The following SYNE2 variants were observed in gnomAD, a reference collection of about 807,000 sequenced individuals.
SYNE2 encodes spectrin repeat containing nuclear envelope protein 2.
Under a neutral mutation model 856.3 loss-of-function variants are expected in SYNE2, and 431 were observed. The observed-to-expected ratio is 0.50, with a 90% CI of 0.47 to 0.55. SYNE2 has a LOEUF of 0.55. SYNE2 is among the 20% of genes least tolerant of loss of function. SYNE2 has a pLI of 0.00. For missense variants in SYNE2, 8,129 were observed against 8,023.2 expected (o/e 1.01, Z -0.50); for synonymous variants, 2,923 against 2,872.3 (o/e 1.02, Z -0.56).
At chr14:64,139,050 C>G (rs1235072591) in intron 79 of SYNE2, among the ~76,000 whole-genome samples, 1 of 151,520 alleles carries the variant, frequency 6.6e-6, no homozygotes, top group Non-Finnish European at 1.5e-5. Flanking sequence ...GTGGCGTGAT[C>G]GTGGCTCACT....
intron 11 of SYNE2, among the ~76,000 whole-genome samples, chr14:63,969,020 G>A (rs2096437047): frequency 6.6e-6 from 1 of 151,972 alleles, no homozygotes. Flanking sequence ...TCCTTCTACT[G>A]TCTGTCTCCA....
intron 67 of SYNE2, 24 bp downstream of exon 67, chr14:64,119,633 A>T (rs775292771): frequency 6.8e-6 from 11 of 1,612,108 alleles, no homozygotes; most frequent in Middle Eastern, 1.7e-4. Flanking sequence ...ATCTATGGAC[A>T]TTCATCTTGA....
At chr14:63,774,762 T>C (rs985790677) in intron 1 of SYNE2, among the ~76,000 whole-genome samples, 2 of 151,928 alleles carry the variant, frequency 1.3e-5, no homozygotes, top group African/African-American at 2.4e-5. Context: ...ATTATTGTAT[T>C]AATAATTGTC....
At chr14:63,776,656 G>A (rs939102292) in intron 1 of SYNE2, among the ~76,000 whole-genome samples, 51 of 148,826 alleles carry the variant, frequency 3.4e-4, no homozygotes, top group African/African-American at 1.3e-3. Context: ...CTGGAGTGCA[G>A]TGGTATGATC....
chr14:63,986,477 G>C lies in SYNE2; in HGVS notation c.2173G>C (p.Glu725Gln), dbSNP rs1328749416. The change falls in exon 19 of 116, where the codon GAA becomes CAA. Residue 725 changes from glutamate to glutamine, a missense_variant. Coordinates refer to ENST00000555002, the MANE Select transcript of SYNE2 (RefSeq NM_182914.3). ...GTAGGCTGGAGAGAAACATGAAAAA[G>C]AAAATGAAGAATTCACAGGGCAACT... ...NIKAGEKHEK[E>Q]NEEFTGQLKV... 1.2e-6 allele frequency: 2 copies of C among 1,614,064 alleles called. No homozygotes were observed. The highest frequency in any genetic ancestry group is 1.7e-5 in the Admixed American group (1 of 60,020).
intron 48 of SYNE2, among the ~76,000 whole-genome samples, chr14:64,055,111 A>T (rs2153579461): frequency 6.6e-6 from 1 of 152,340 alleles, no homozygotes; most frequent in Admixed American, 6.5e-5. Flanking sequence ...GTCTGGAGAC[A>T]TTCATTCAAT....
chr14:63,792,448 G>A (rs905062902), intron 1 of SYNE2, among the ~76,000 whole-genome samples: 13 of 151,944 alleles, frequency 8.6e-5, no homozygotes, highest in African/African-American at 2.2e-4. Context: ...CCAGCTACTC[G>A]GGAGGCTGAG....
chr14:64,184,790 G>T (rs746513147), intron 96 of SYNE2, among the ~76,000 whole-genome samples: 3 of 152,226 alleles, frequency 2.0e-5, no homozygotes, highest in Non-Finnish European at 4.4e-5. Context: ...TCTGAGAAAG[G>T]TGTTAATTCC....
At chr14:64,206,051 GT>G (rs1160018297) in intron 100 of SYNE2, among the ~76,000 whole-genome samples, 2 of 152,114 alleles carry the variant, frequency 1.3e-5, no homozygotes, top group African/African-American at 4.8e-5. Context: ...TTTTCAGCCT[GT>G]TTTTCTTCTC....
At chr14:63,915,504 A>C (rs1281245694) in intron 2 of SYNE2, among the ~76,000 whole-genome samples, 2 of 152,216 alleles carry the variant, frequency 1.3e-5, no homozygotes, top group Admixed American at 1.3e-4. Context: ...ACAGAATATT[A>C]TCATTAATTA....
chr14:64,090,946 A>G lies in SYNE2; in HGVS notation c.11874A>G (p.Gln3958=), dbSNP rs771236277. ...ACCAAGTGGAACTGAGGTTGCCCCA[A>G]ACAGGAATGAAACCTCTGCCTGTGT... is the stretch of plus-strand genomic sequence containing the variant. The part of the protein sequence containing the change: ...VSYQVELRLP[Q]TGMKPLPVFQ... Residue 3958 remains glutamine, a synonymous_variant, in exon 60 of 116, where the codon CAA becomes CAG. Coordinates refer to ENST00000555002, the MANE Select transcript of SYNE2 (RefSeq NM_182914.3). The G allele has an allele frequency of 7.4e-6, 12 of 1,614,034 alleles. No individual in the cohort carries two copies. Among genetic ancestry groups the G allele is most frequent in the Non-Finnish European group, 9.3e-6 (11 of 1,180,012 alleles).
At chr14:63,898,855 G>A (rs2095296831) in intron 1 of SYNE2, among the ~76,000 whole-genome samples, 1 of 152,080 alleles carries the variant, frequency 6.6e-6, no homozygotes, top group African/African-American at 2.4e-5. Context: ...TTAAAACTTT[G>A]TTCAATATAC....
intron 1 of SYNE2, among the ~76,000 whole-genome samples, chr14:63,865,420 T>C (rs1894933210): frequency 1.3e-5 from 2 of 150,712 alleles, no homozygotes; most frequent in Non-Finnish European, 3.0e-5. Flanking sequence ...GCATTTGCCA[T>C]TTGAGCTGAG....
chr14:63,960,244 G>T (rs2096292543), intron 8 of SYNE2, among the ~76,000 whole-genome samples: 1 of 152,036 alleles, frequency 6.6e-6, no homozygotes, highest in Non-Finnish European at 1.5e-5. Flanking sequence ...GCTTTTTATT[G>T]CTGGCTTTTA....
chr14:64,038,485 G>T (rs1042775353), intron 45 of SYNE2, among the ~76,000 whole-genome samples: 3 of 152,248 alleles, frequency 2.0e-5, no homozygotes, highest in South Asian at 4.1e-4. Context: ...GGAGGCCAAG[G>T]CAGGCGGCTG....
At chr14:64,096,632 A>G (rs1434218129) in intron 61 of SYNE2, among the ~76,000 whole-genome samples, 1 of 152,192 alleles carries the variant, frequency 6.6e-6, no homozygotes, top group Non-Finnish European at 1.5e-5. Context: ...CCCAAAAGCA[A>G]TCACAGAAAT....
chr14:63,881,909 G>A (rs2094874481), intron 1 of SYNE2, among the ~76,000 whole-genome samples: 2 of 152,182 alleles, frequency 1.3e-5, no homozygotes, highest in South Asian at 4.1e-4. Flanking sequence ...GAGACTGTTA[G>A]CCTTATGGGA....
intron 85 of SYNE2, 70 bp downstream of exon 85, chr14:64,152,786 G>T: frequency 6.3e-7 from 1 of 1,596,742 alleles, no homozygotes. Context: ...CGTTGTAGTT[G>T]TTTTCGTCCT....
chr14:63,888,813 C>T (rs1159100805), intron 1 of SYNE2, among the ~76,000 whole-genome samples: 1 of 152,082 alleles, frequency 6.6e-6, no homozygotes, highest in Non-Finnish European at 1.5e-5. Context: ...GTAATGCAGG[C>T]ATTAAGATTA....
Sources: gnomAD v4.1 joint callset for allele counts (sites outside exome capture counted in the v4.1 genomes callset) on GRCh38, gnomAD v4.1.1 for gene constraint, MANE v1.5 for transcripts, NCBI Gene and HGNC (gene_info 2026-07-23, HGNC 2026-07-21) for gene names.